The following NUFIP2 variants were observed in gnomAD, a reference collection of about 807,000 sequenced individuals.
NUFIP2 encodes nuclear FMR1 interacting protein 2, also known as FMR1-interacting protein NUFIP2.
NUFIP2 carries 6 observed loss-of-function variants against 56.9 expected under a neutral mutation model. The observed-to-expected ratio is 0.11, with a 90% confidence interval of 0.06 to 0.21. The LOEUF (loss-of-function observed/expected upper bound fraction) is 0.21, where lower values mean the gene tolerates loss of function less well. NUFIP2 is among the 10% of genes least tolerant of loss of function. NUFIP2 has a pLI of 1.00. For synonymous variants in NUFIP2, 321 were observed against 298.2 expected (o/e 1.08, Z -0.79); for missense variants, 828 against 826.8 (o/e 1.00, Z -0.02).
rs1011505568 is a variant in NUFIP2 at position 29,287,772 on chromosome 17, T to G, written c.278-56A>C. On this transcript the variant is annotated intron_variant, in intron 1 of 3. Coordinates refer to ENST00000225388, the MANE Select transcript of NUFIP2 (RefSeq NM_020772.3). ...AAAAATCACAACATGTAAATTACAC[T>G]AATACCTAACATTTAAGAACTATTT... 29 of 1,442,572 alleles carry G rather than the reference T, an allele frequency of 2.0e-5. No homozygotes were observed. In the East Asian group the frequency reaches 6.8e-4, roughly 34 times the overall value. The allele number at this position is 1,442,572 out of a possible 1,614,324, so 89.4% of individuals were successfully genotyped here.
At chr17:29,274,500 T>C (rs1299928626) in intron 2 of NUFIP2, among the ~76,000 whole-genome samples, 1 of 152,168 alleles carries the variant, frequency 6.6e-6, no homozygotes, top group Non-Finnish European at 1.5e-5. Flanking sequence ...AAAGTTTTAA[T>C]TGAACACAGC....
rs775971320 is a variant in NUFIP2 at position 29,286,248 on chromosome 17, A to G, written c.1746T>C (p.Ser582=). The change falls in exon 2 of 4, where the codon TCT becomes TCC. Residue 582 remains serine (S), a synonymous_variant. Coordinates refer to ENST00000225388, the MANE Select transcript of NUFIP2 (RefSeq NM_020772.3). ...SPQVLGSILK[S]GTTSESGALS... is the part of the protein sequence containing the mutation. Reference sequence around the variant, plus strand: ...AGGCTCCACTCTCACTAGTAGTCCCAGATTTTAGAATGCTACCCAGAACTT... The same window carrying G: ...AGGCTCCACTCTCACTAGTAGTCCCGGATTTTAGAATGCTACCCAGAACTT... 2.5e-6 allele frequency: 4 copies of G among 1,614,088 alleles called. No homozygotes were observed. Among genetic ancestry groups the G allele is most frequent in the Non-Finnish European group, 3.4e-6 (4 of 1,180,052 alleles).
Position 29,256,194 on chromosome 17 carries a change from A to C in NUFIP2, c.*8345T>G, listed in dbSNP as rs1313780560. The C allele has an allele frequency of 6.6e-6, 1 of 152,250 alleles. No homozygotes were observed. Among genetic ancestry groups the C allele is most frequent in the African/African-American group, 2.4e-5 (1 of 41,470 alleles). 9.4% of individuals were successfully genotyped at this position (152,250 alleles called of 1,614,324 possible). A position where few individuals can be genotyped will look rare whatever the true frequency, so the allele number is the denominator to read the frequency against. On this transcript the variant is annotated 3_prime_UTR_variant, in exon 4 of 4. Coordinates refer to ENST00000225388, the MANE Select transcript of NUFIP2 (RefSeq NM_020772.3). The stretch of plus-strand genomic sequence containing the variant: ...TTGAGCGGGGGGAACATCCTTTAAC[A>C]TAACTGTACTCCACTTATTATCCAT...
intron 2 of NUFIP2, among the ~76,000 whole-genome samples, chr17:29,277,168 G>A (rs1250060864): frequency 6.6e-6 from 1 of 152,022 alleles, no homozygotes; most frequent in Non-Finnish European, 1.5e-5. Flanking sequence ...GGGACTACAG[G>A]CACGTGCCAC....
chr17:29,264,642 C>T, intron 3 of NUFIP2, 51 bp from the exon 4 acceptor site: 4 of 1,156,902 alleles, frequency 3.5e-6, no homozygotes, highest in Non-Finnish European at 5.2e-6. Flanking sequence ...TCTCAAAATG[C>T]CCGTATTCCA....
At position 29,258,405 on chromosome 17, in the gene NUFIP2, T is replaced by C. The variant is rs559938554; in HGVS notation, c.*6134A>G. On this transcript the variant is annotated 3_prime_UTR_variant, in exon 4 of 4. Coordinates refer to ENST00000225388, the MANE Select transcript of NUFIP2 (RefSeq NM_020772.3). ...TTGATTTGATTTAAACTAAATCTGA[T>C]TGGTTCAGGGCAGCACTATTTCCCC... is the stretch of plus-strand genomic sequence containing the variant. 2 of 152,296 alleles carry C rather than the reference T, an allele frequency of 1.3e-5. No homozygotes were observed. Among genetic ancestry groups the C allele is most frequent in the East Asian group, 1.9e-4 (1 of 5,188 alleles). 9.4% of individuals were successfully genotyped at this position (152,296 alleles called of 1,614,324 possible).
At chr17:29,278,047 G>C (rs556131957) in intron 2 of NUFIP2, among the ~76,000 whole-genome samples, 2 of 152,034 alleles carry the variant, frequency 1.3e-5, no homozygotes, top group South Asian at 4.2e-4. Flanking sequence ...AAGAAATACA[G>C]CATGCTTTCA....
chr17:29,273,177 C>A (rs1193709639), intron 2 of NUFIP2, among the ~76,000 whole-genome samples: 5 of 152,068 alleles, frequency 3.3e-5, no homozygotes, highest in African/African-American at 1.2e-4. Flanking sequence ...GTAGCTGGAA[C>A]TACAGGTGCA....
intron 1 of NUFIP2, among the ~76,000 whole-genome samples, chr17:29,292,194 T>C (rs926447480): frequency 6.6e-6 from 1 of 152,170 alleles, no homozygotes; most frequent in African/African-American, 2.4e-5. Flanking sequence ...CCTTTCTTTT[T>C]AACACGGAGA....
At chr17:29,274,054 G>A (rs1347580892) in intron 2 of NUFIP2, among the ~76,000 whole-genome samples, 1 of 152,128 alleles carries the variant, frequency 6.6e-6, no homozygotes, top group Non-Finnish European at 1.5e-5. Flanking sequence ...ACTCTAGTAA[G>A]CAACTTCACT....
In NUFIP2 at chr17:29,287,292, A is replaced by C. The variant is rs763288384; in HGVS notation, c.702T>G (p.Cys234Trp). The change falls in exon 2 of 4, where the codon TGT becomes TGG. Residue 234 changes from cysteine (C) to tryptophan (W), a missense_variant. Cys to Trp is a radical substitution (Grantham distance 215, BLOSUM62 -2). This residue lies in a region of NUFIP2 where 415 missense variants were observed against 408.7 expected (regional missense o/e 1.02). Coordinates refer to ENST00000225388, the MANE Select transcript of NUFIP2 (RefSeq NM_020772.3). ...RKARRNSAKG[C>W]ENLNIVQDKI... ...TGTCCTGCACTATATTAAGGTTTTC[A>C]CAACCCTTGGCACTATTGCGCCTAG... The C allele has an allele frequency of 7.4e-6, 12 of 1,614,050 alleles. No homozygotes were observed. Among genetic ancestry groups the C allele is most frequent in the African/African-American group, 1.3e-5 (1 of 74,926 alleles).
intron 2 of NUFIP2, among the ~76,000 whole-genome samples, chr17:29,272,052 AAC>A (rs1168184408): frequency 8.6e-6 from 1 of 116,958 alleles, no homozygotes; most frequent in African/African-American, 3.3e-5. Flanking sequence ...CAGCTTGGGC[AAC>A]AGAGTGAGAC....
chr17:29,264,652 A>G (rs1473449489), intron 3 of NUFIP2, 61 bp from the exon 4 acceptor site: 3 of 1,065,794 alleles, frequency 2.8e-6, no homozygotes, highest in Non-Finnish European at 4.3e-6. Context: ...CCCGTATTCC[A>G]ATAACAATCC....
At chr17:29,270,029 A>G (rs1388999409) in intron 2 of NUFIP2, among the ~76,000 whole-genome samples, 1 of 152,120 alleles carries the variant, frequency 6.6e-6, no homozygotes, top group Non-Finnish European at 1.5e-5. Flanking sequence ...CAAGCCTGGC[A>G]CTTTTAAAAA....
intron 3 of NUFIP2, among the ~76,000 whole-genome samples, chr17:29,266,644 T>C (rs892114104): frequency 6.6e-6 from 1 of 151,912 alleles, no homozygotes; most frequent in African/African-American, 2.4e-5. Context: ...TCTTAGGCTG[T>C]TTGTTGTCTA....
chr17:29,293,686 CCCCG>C, intron 1 of NUFIP2, 93 bp downstream of exon 1: 1 of 1,335,388 alleles, frequency 7.5e-7, no homozygotes, highest in Non-Finnish European at 1.0e-6. Context: ...CACACACACA[CCCCG>C]ACCCCGTCCG....
At chr17:29,269,845 C>G (rs1012213000) in intron 2 of NUFIP2, among the ~76,000 whole-genome samples, 1 of 152,054 alleles carries the variant, frequency 6.6e-6, no homozygotes, top group African/African-American at 2.4e-5. Context: ...CTCAGCTTCC[C>G]GAGTAACTGG....
At chr17:29,287,812 A>C (rs964239654) in intron 1 of NUFIP2, 96 bp from the exon 2 acceptor site, 2 of 1,168,206 alleles carry the variant, frequency 1.7e-6, no homozygotes, top group East Asian at 5.1e-5. Flanking sequence ...TATGCTAGAC[A>C]CTATGCTATG....
At chr17:29,267,578 T>C (rs1471131211) in intron 2 of NUFIP2, 48 bp from the exon 3 acceptor site, 1 of 1,111,562 alleles carries the variant, frequency 9.0e-7, no homozygotes, top group East Asian at 2.5e-5. Context: ...GTGAGCAAAG[T>C]CTGAAGCGAT....
Sources: allele counts gnomAD v4.1 joint callset (sites outside exome capture counted in the v4.1 genomes callset), GRCh38; gene constraint gnomAD v4.1.1; regional missense constraint gnomAD v4.1.1; transcripts MANE v1.5; gene names NCBI Gene and HGNC (gene_info 2026-07-23, HGNC 2026-07-21).